Variants in DISC1 observed in about 807,000 individuals in gnomAD.
The protein encoded by DISC1 is disrupted in schizophrenia 1 protein.
Under a neutral mutation model 84.5 loss-of-function variants are expected in DISC1, and 57 were observed. The observed-to-expected ratio is 0.67, with a 90% confidence interval of 0.55 to 0.84. The LOEUF (loss-of-function observed/expected upper bound fraction) is 0.84. Among genes scored for constraint, DISC1 ranks in the 40% least tolerant of loss-of-function variants. DISC1 has a pLI of 0.00. For synonymous variants in DISC1, 411 were observed against 415.2 expected, an observed-to-expected ratio of 0.99 and a Z score of 0.12; for missense variants, 1,000 against 1,057.8, an observed-to-expected ratio of 0.95 and a Z score of 0.76.
At chr1:231,705,591 A>G (rs1164096690) in intron 3 of DISC1, among the ~76,000 whole-genome samples, 2 of 152,118 alleles carry the variant, frequency 1.3e-5, no homozygotes, top group Non-Finnish European at 2.9e-5. Flanking sequence ...AAAAGGGCTC[A>G]GTACTTGGAC....
At chr1:231,714,397 A>G (rs925926767) in intron 3 of DISC1, among the ~76,000 whole-genome samples, 5 of 152,160 alleles carry the variant, frequency 3.3e-5, no homozygotes, top group African/African-American at 1.2e-4. Context: ...TTCACATCCA[A>G]AGAATAAAGT....
intron 1 of DISC1, among the ~76,000 whole-genome samples, chr1:231,662,100 G>T (rs1158920280): frequency 6.6e-6 from 1 of 152,198 alleles, no homozygotes; most frequent in South Asian, 2.1e-4. Context: ...AAACAGCAAA[G>T]ATGGCTGCCA....
intron 6 of DISC1, among the ~76,000 whole-genome samples, chr1:231,789,098 T>C (rs1208990631): frequency 1.3e-5 from 2 of 151,936 alleles, no homozygotes; most frequent in African/African-American, 4.8e-5. Flanking sequence ...TAGTAGAAAA[T>C]GAACATGACC....
intron 1 of DISC1, among the ~76,000 whole-genome samples, chr1:231,643,053 AG>A (rs2059854111): frequency 3.9e-5 from 6 of 152,292 alleles, no homozygotes; most frequent in Middle Eastern, 6.8e-3. Flanking sequence ...GTCACTTGTG[AG>A]CTATTTCCAC....
intron 9 of DISC1, among the ~76,000 whole-genome samples, chr1:231,916,415 G>C (rs11122372): frequency 0.023 from 3,482 of 152,068 alleles, 147 homozygotes; most frequent in African/African-American, 0.08. Context: ...AGCACTTTGG[G>C]AGGCCGAGGC....
intron 8 of DISC1, among the ~76,000 whole-genome samples, chr1:231,808,602 T>C (rs2079952806): frequency 6.6e-6 from 1 of 152,220 alleles, no homozygotes; most frequent in African/African-American, 2.4e-5. Flanking sequence ...GAGATGGACA[T>C]GGTATTTACT....
intron 3 of DISC1, among the ~76,000 whole-genome samples, chr1:231,744,429 T>C (rs2073730368): frequency 6.6e-6 from 1 of 152,230 alleles, no homozygotes; most frequent in African/African-American, 2.4e-5. Flanking sequence ...TCTTTGGGCA[T>C]TGGATTTTGA....
intron 9 of DISC1, among the ~76,000 whole-genome samples, chr1:231,842,094 G>A (rs1368342590): frequency 6.6e-6 from 1 of 151,790 alleles, no homozygotes; most frequent in Non-Finnish European, 1.5e-5. Flanking sequence ...CACACTACTG[G>A]GCTTTGATCC....
At chr1:231,818,996 G>A (rs979575411) in intron 9 of DISC1, 1 of 996,976 alleles carries the variant, frequency 1.0e-6, no homozygotes, top group Non-Finnish European at 1.2e-6. Context: ...TAGAAGATGT[G>A]AATGCCGCCT....
intron 12 of DISC1, among the ~76,000 whole-genome samples, chr1:232,030,528 T>G (rs1669903700): frequency 6.6e-6 from 1 of 152,190 alleles, no homozygotes. Context: ...GGGAAGCCCT[T>G]ATGGAATTCT....
chr1:231,986,449 A>G (rs1412572823), intron 10 of DISC1, among the ~76,000 whole-genome samples: 1 of 152,162 alleles, frequency 6.6e-6, no homozygotes, highest in African/African-American at 2.4e-5. Context: ...TGTTACTTCA[A>G]GCTACAGTAG....
chr1:231,787,948 A>G (rs1335053477), intron 6 of DISC1, among the ~76,000 whole-genome samples: 1 of 152,198 alleles, frequency 6.6e-6, no homozygotes, highest in Non-Finnish European at 1.5e-5. Flanking sequence ...AAGTAGCACC[A>G]CAGCCACCTG....
At chr1:231,741,219 A>T (rs908115071) in intron 3 of DISC1, among the ~76,000 whole-genome samples, 4 of 152,214 alleles carry the variant, frequency 2.6e-5, no homozygotes, top group Non-Finnish European at 5.9e-5. Flanking sequence ...ACTCACGAGG[A>T]TGTGAAATGT....
In DISC1 at chr1:231,685,583, G is replaced by A. The variant is rs188658846; in HGVS notation, c.68-8243G>A. Among the ~76,000 whole-genome samples the A allele has an allele frequency of 2.3e-3, 350 of 152,236 alleles. 2 individuals carry two copies. Among genetic ancestry groups the A allele is most frequent in the African/African-American group, 7.9e-3 (328 of 41,554 alleles). On this transcript the variant is annotated intron_variant, in intron 1 of 12. Coordinates refer to ENST00000439617, the MANE Select transcript of DISC1 (RefSeq NM_018662.3). ...TTCTTCTGCCTCAGCCTCCCGAGTAGCTGGGACTGTAGGCGCCTGCCACCA... is the reference window on the plus strand; with the variant it reads ...TTCTTCTGCCTCAGCCTCCCGAGTAACTGGGACTGTAGGCGCCTGCCACCA...
chr1:231,800,489 T>G (rs2079144354), intron 8 of DISC1, among the ~76,000 whole-genome samples: 1 of 152,308 alleles, frequency 6.6e-6, no homozygotes, highest in Middle Eastern at 3.4e-3. Flanking sequence ...TGTAGCATTG[T>G]GTATCTGTAA....
At chr1:231,961,789 A>T (rs1324474030) in intron 10 of DISC1, among the ~76,000 whole-genome samples, 1 of 152,240 alleles carries the variant, frequency 6.6e-6, no homozygotes, top group Non-Finnish European at 1.5e-5. Context: ...ATTGATGGGC[A>T]TCTAGGTTGG....
chr1:231,970,357 T>C (rs1661779524), intron 10 of DISC1, among the ~76,000 whole-genome samples: 1 of 152,218 alleles, frequency 6.6e-6, no homozygotes, highest in African/African-American at 2.4e-5. Context: ...CCACTGATCA[T>C]GATGACTTGT....
At chr1:231,803,910 A>ACAC (rs1448576944) in intron 8 of DISC1, among the ~76,000 whole-genome samples, 4 of 138,414 alleles carry the variant, frequency 2.9e-5, no homozygotes, top group Non-Finnish European at 6.1e-5. Context: ...TCGCGCCACT[A>ACAC]CACTCCAGCC....
chr1:231,629,963 C>T lies in DISC1; in HGVS notation c.67+3029C>T, dbSNP rs567824732. 1.2e-4 allele frequency among the ~76,000 whole-genome samples: 19 copies of T among 152,266 alleles called. No individual in the cohort carries two copies. The East Asian group carries it at 3.1e-3, about 25-fold the overall frequency. On this transcript the variant is annotated intron_variant, in intron 1 of 12. Coordinates refer to ENST00000439617, the MANE Select transcript of DISC1 (RefSeq NM_018662.3). ...ATATATATTTTTTGAGACGGAGTCT[C>T]GTTCTGTCGCCAGGCTGGAGTGCAG...
Sources: allele counts gnomAD v4.1 joint callset (sites outside exome capture counted in the v4.1 genomes callset), GRCh38; gene constraint gnomAD v4.1.1; transcripts MANE v1.5; gene names NCBI Gene and HGNC (gene_info 2026-07-23, HGNC 2026-07-21).